Variants in CACNB2 observed in about 807,000 individuals in gnomAD.
CACNB2 encodes calcium voltage-gated channel auxiliary subunit beta 2.
A neutral mutation model predicts 73.3 loss-of-function variants in CACNB2; 42 were observed. That is an observed-to-expected ratio of 0.57 (90% CI 0.45 to 0.74). CACNB2 has a LOEUF of 0.74. Among genes scored for constraint, CACNB2 ranks in the 30% least tolerant of loss-of-function variants. The pLI is 0.00. For missense variants in CACNB2, 940 were observed against 853.0 expected, an observed-to-expected ratio of 1.10 and a Z score of -1.27; for synonymous variants, 348 against 310.3, an observed-to-expected ratio of 1.12 and a Z score of -1.28.
At chr10:18,241,750 A>G (rs536190967) in intron 2 of CACNB2, among the ~76,000 whole-genome samples, 20 of 152,210 alleles carry the variant, frequency 1.3e-4, no homozygotes, top group African/African-American at 4.6e-4. Flanking sequence ...ATTTTTATTT[A>G]TATCTATATT....
At chr10:18,359,302 C>T (rs900560530) in intron 2 of CACNB2, among the ~76,000 whole-genome samples, 1 of 152,088 alleles carries the variant, frequency 6.6e-6, no homozygotes, top group Admixed American at 6.5e-5. Flanking sequence ...CACAGGGTCT[C>T]CTTCTGTCAC....
At chr10:18,400,579 T>G (rs1341044368) in intron 2 of CACNB2, 13 of 1,016,350 alleles carry the variant, frequency 1.3e-5, no homozygotes, top group Non-Finnish European at 1.4e-5. Context: ...CCCCTCGAGA[T>G]CTCCAAAGAT....
intron 3 of CACNB2, among the ~76,000 whole-genome samples, chr10:18,478,204 T>G (rs1474235655): frequency 6.6e-6 from 1 of 152,212 alleles, no homozygotes; most frequent in African/African-American, 2.4e-5. Flanking sequence ...GGTGCTGGGA[T>G]TACAGGCGTG....
chr10:18,467,293 T>G (rs541051450), intron 3 of CACNB2, among the ~76,000 whole-genome samples: 108 of 152,234 alleles, frequency 7.1e-4, no homozygotes, highest in Non-Finnish European at 1.4e-3. Context: ...GATTCAAATA[T>G]TTACTAACTG....
chr10:18,289,284 G>GTTTTTTTTTTTTTTTTTTTTTTTT (rs1489491866), intron 2 of CACNB2, among the ~76,000 whole-genome samples: 2 of 85,568 alleles, frequency 2.3e-5, no homozygotes, highest in Non-Finnish European at 2.2e-5. Context: ...TTTTTTTCTT[G>GTTTTTTTTTTTTTTTTTTTTTTTT]TTTTTTTGTT....
Position 18,214,287 on chromosome 10 carries a change from C to G in CACNB2, c.213+63312C>G, listed in dbSNP as rs2131363471. 2.6e-5 allele frequency among the ~76,000 whole-genome samples: 2 copies of G among 75,606 alleles called. 1 individual carries two copies. Among genetic ancestry groups the G allele is most frequent in the South Asian group, 9.6e-4 (2 of 2,090 alleles). 49.6% of individuals were successfully genotyped at this position (75,606 alleles called of 152,430 possible). A position where few individuals can be genotyped will look rare whatever the true frequency, so the allele number is the denominator to read the frequency against. ...ATGGATTAAAAACAGAAGATCTCTA[C>G]TTCTGCATCCATTTGTACCTTACAC... On this transcript the variant is annotated intron_variant, in intron 2 of 13. Transcript: ENST00000324631.
intron 3 of CACNB2, among the ~76,000 whole-genome samples, chr10:18,449,142 T>TG (rs1185817128): frequency 6.6e-6 from 1 of 152,092 alleles, no homozygotes; most frequent in African/African-American, 2.4e-5. Flanking sequence ...CCCAGCACTT[T>TG]GGGGGGCTGA....
intron 3 of CACNB2, among the ~76,000 whole-genome samples, chr10:18,484,818 T>C (rs1166753779): frequency 1.3e-5 from 2 of 152,158 alleles, no homozygotes; most frequent in African/African-American, 4.8e-5. Context: ...TTAATAAATA[T>C]CTATATACAC....
chr10:18,469,242 G>A (rs996751910), intron 3 of CACNB2, among the ~76,000 whole-genome samples: 1 of 151,990 alleles, frequency 6.6e-6, no homozygotes, highest in African/African-American at 2.4e-5. Context: ...CCTGTCTCAG[G>A]GAGAAAAAAA....
intron 9 of CACNB2, 103 bp from the exon 10 acceptor site, chr10:18,527,485 T>A: frequency 1.3e-6 from 1 of 770,970 alleles, no homozygotes; most frequent in Admixed American, 1.8e-5. Flanking sequence ...AAAATATGGT[T>A]GCTATATATA....
intron 3 of CACNB2, among the ~76,000 whole-genome samples, chr10:18,423,431 G>A (rs1405220496): frequency 6.6e-6 from 1 of 152,204 alleles, no homozygotes; most frequent in African/African-American, 2.4e-5. Context: ...AATTCCCCCT[G>A]TAGGAAGCCA....
Position 18,171,895 on chromosome 10 carries a change from C to G in CACNB2, c.213+20920C>G, listed in dbSNP as rs1588613884. ...TACATCAGTGTCTGCCCCTCACCTC[C>G]CACCCCACTATGTGCAGAGCAAAAG... On this transcript the variant is annotated intron_variant, in intron 2 of 13. Transcript: ENST00000324631. Among the ~76,000 whole-genome samples the G allele has an allele frequency of 1.3e-5, 2 of 152,176 alleles. 1 individual carries two copies. Among genetic ancestry groups the G allele is most frequent in the East Asian group, 3.9e-4 (2 of 5,174 alleles).
chr10:18,528,755 C>T (rs2052719859), intron 10 of CACNB2, among the ~76,000 whole-genome samples: 1 of 152,154 alleles, frequency 6.6e-6, no homozygotes, highest in African/African-American at 2.4e-5. Flanking sequence ...ATGTGTTTTG[C>T]TTATAGCAAT....
At chr10:18,290,352 A>C (rs945228759) in intron 2 of CACNB2, among the ~76,000 whole-genome samples, 2 of 151,392 alleles carry the variant, frequency 1.3e-5, no homozygotes, top group African/African-American at 2.4e-5. Context: ...TGTTTATGTT[A>C]ATACCTATTT....
At position 18,536,273 on chromosome 10, in the gene CACNB2, TGG is replaced by T. The variant is rs150214686; in HGVS notation, c.1302+81_1302+82del. The T allele has an allele frequency of 0.32, 92,482 of 290,922 alleles. 29,137 individuals are homozygous for T. The highest frequency in any genetic ancestry group is 0.53 in the East Asian group (6,155 of 11,532). 18.0% of individuals were successfully genotyped at this position (290,922 alleles called of 1,614,324 possible). A position where few individuals can be genotyped will look rare whatever the true frequency, so the allele number is the denominator to read the frequency against. On this transcript the variant is annotated intron_variant, in intron 12 of 13. Coordinates refer to ENST00000324631, the MANE Select transcript of CACNB2 (RefSeq NM_201596.3). ...TTTTTTTTTTTTTTTTTTTTTTTTTTGGGGGACAAGGTCTTGCTCTGTTGCCC... is the reference window on the plus strand; with the variant it reads ...TTTTTTTTTTTTTTTTTTTTTTTTTTGGGACAAGGTCTTGCTCTGTTGCCC...
chr10:18,382,541 T>C (rs1038090184), intron 2 of CACNB2, among the ~76,000 whole-genome samples: 2 of 152,118 alleles, frequency 1.3e-5, no homozygotes, highest in African/African-American at 4.8e-5. Flanking sequence ...TCCTTCTCCC[T>C]TCCCCACCCA....
chr10:18,526,418 CCA>C (rs753916593), intron 9 of CACNB2, among the ~76,000 whole-genome samples: 1 of 152,118 alleles, frequency 6.6e-6, no homozygotes, highest in Non-Finnish European at 1.5e-5. Context: ...GGGTCTTGTA[CCA>C]CACAGGAAAA....
intron 3 of CACNB2, among the ~76,000 whole-genome samples, chr10:18,467,695 G>T (rs764772837): frequency 1.3e-5 from 2 of 152,148 alleles, no homozygotes; most frequent in Non-Finnish European, 2.9e-5. Flanking sequence ...CAATTTATTT[G>T]TCCCCTCAAC....
At chr10:18,533,463 A>G (rs2053263414) in intron 10 of CACNB2, 1 of 152,810 alleles carries the variant, frequency 6.5e-6, no homozygotes, top group South Asian at 2.1e-4. Context: ...ATAAGTTTCT[A>G]TAAATTTTAT....
Sources: allele counts gnomAD v4.1 joint callset (sites outside exome capture counted in the v4.1 genomes callset), GRCh38; gene constraint gnomAD v4.1.1; transcripts MANE v1.5; gene names NCBI Gene and HGNC (gene_info 2026-07-23, HGNC 2026-07-21).